Variants in SETX observed in about 807,000 individuals in gnomAD.
SETX encodes the protein helicase senataxin.
In SETX, 90 loss-of-function variants were observed where a neutral mutation model predicts 227.2. That is an observed-to-expected ratio of 0.40 (90% CI 0.33 to 0.47). The LOEUF is 0.47. SETX is among the 20% of genes least tolerant of loss of function. SETX has a pLI of 0.91. For synonymous variants in SETX, 1,210 were observed against 1,113.2 expected (o/e 1.09, Z -1.73); for missense variants, 3,052 against 3,181.5 (o/e 0.96, Z 0.98).
At chr9:132,354,126 G>GACTGGGCACC (rs1848751257) in intron 1 of SETX, among the ~76,000 whole-genome samples, 1 of 152,198 alleles carries the variant, frequency 6.6e-6, no homozygotes, top group Non-Finnish European at 1.5e-5. Context: ...CTTGGGTCGT[G>GACTGGGCACC]CAAATTGCTG....
Position 132,341,207 on chromosome 9 carries a change from G to A in SETX, c.498+1483C>T, listed in dbSNP as rs947927044. The stretch of plus-strand genomic sequence containing the variant: ...ACTTCCGGCGTGGGCAACAGAGCAA[G>A]ACTCTGTCTCAAAAAATAAAATATA... On this transcript the variant is annotated intron_variant, in intron 5 of 25. Coordinates refer to ENST00000224140, the MANE Select transcript of SETX (RefSeq NM_015046.7). 3.3e-5 allele frequency among the ~76,000 whole-genome samples: 5 copies of A among 151,994 alleles called. No homozygotes were observed. In the East Asian group the frequency reaches 5.8e-4, roughly 18 times the overall value.
At chr9:132,305,069 GC>G (rs1845244776) in intron 11 of SETX, among the ~76,000 whole-genome samples, 1 of 151,900 alleles carries the variant, frequency 6.6e-6, no homozygotes, top group Non-Finnish European at 1.5e-5. Context: ...ACTATTTTGG[GC>G]CAGGCGCAGT....
chr9:132,308,206 C>T (rs1392901517), intron 11 of SETX, among the ~76,000 whole-genome samples: 1 of 152,138 alleles, frequency 6.6e-6, no homozygotes, highest in African/African-American at 2.4e-5. Context: ...AAACCAGATA[C>T]CACGTACCTG....
In SETX at chr9:132,263,373, A is replaced by T. The variant is rs1842483348; in HGVS notation, c.*866T>A. ...ATTCTTCCACAGCTGACCCAGCGCT[A>T]ATCTAGCATTTGGCAACCAAATGTC... On this transcript the variant is annotated 3_prime_UTR_variant, in exon 26 of 26. Coordinates refer to ENST00000224140, the MANE Select transcript of SETX (RefSeq NM_015046.7). The T allele has an allele frequency of 6.6e-6, 1 of 152,208 alleles. No individual in the cohort carries two copies. The highest frequency in any genetic ancestry group is 2.1e-4 in the South Asian group (1 of 4,832). 9.4% of individuals were successfully genotyped at this position (152,208 alleles called of 1,614,324 possible).
At chr9:132,296,797 C>CA in intron 14 of SETX, 90 bp downstream of exon 14, 2 of 1,147,928 alleles carry the variant, frequency 1.7e-6, no homozygotes, top group East Asian at 4.7e-5. Context: ...GAGGAAATGG[C>CA]ATGTTAATAC....
chr9:132,341,990 G>A (rs1848004915), intron 5 of SETX, among the ~76,000 whole-genome samples: 1 of 152,012 alleles, frequency 6.6e-6, no homozygotes, highest in Non-Finnish European at 1.5e-5. Context: ...TTGGCCCAGA[G>A]GAAACTGAAA....
Position 132,327,771 on chromosome 9 carries a change from T to C in SETX, c.3827A>G (p.Gln1276Arg). ...AGCTGTTGAAGTTGGCTCAGGACAC[T>C]GACGAAATTTCTTTGGCGGCACTAT... ...PAIVPPKKFR[Q>R]CPEPTSTAEK... The change falls in exon 10 of 26, where the codon CAG becomes CGG. Residue 1276 changes from glutamine to arginine, a missense_variant. By Grantham distance (43) the Gln-to-Arg change is conservative. Transcript: ENST00000224140. 6 of 1,614,222 alleles carry C rather than the reference T, an allele frequency of 3.7e-6. No homozygotes were observed. The highest frequency in any genetic ancestry group is 5.1e-6 in the Non-Finnish European group (6 of 1,180,044).
At chr9:132,352,123 C>G (rs1848634958) in intron 2 of SETX, among the ~76,000 whole-genome samples, 1 of 152,188 alleles carries the variant, frequency 6.6e-6, no homozygotes, top group Non-Finnish European at 1.5e-5. Flanking sequence ...CTCCTTTGCA[C>G]TCTGGCTTCT....
At position 132,330,338 on chromosome 9, in the gene SETX, A is replaced by C; in HGVS notation, c.1260T>G (p.Asp420Glu). The stretch of plus-strand genomic sequence containing the variant: ...TGTAAGCCACACCCAAATCCTTAAG[A>C]TCCATGAGGGACTGGACAAAAGGGA... The part of the protein sequence containing the change: ...WFIPFVQSLM[D>E]LKDLGVAYIA... The change falls in exon 10 of 26, where the codon GAT (aspartate) becomes GAG (glutamate). Residue 420 changes from aspartate (D) to glutamate (E), a missense_variant. Transcript: ENST00000224140. The C allele has an allele frequency of 6.2e-7, 1 of 1,613,966 alleles. No homozygotes were observed. The highest frequency in any genetic ancestry group is 8.5e-7 in the Non-Finnish European group (1 of 1,179,824).
In SETX at chr9:132,336,322, G is replaced by C; in HGVS notation, c.692C>G (p.Thr231Ser). Residue 231 changes from threonine to serine, a missense_variant, in exon 6 of 26, where the codon ACT (threonine) becomes AGT (serine). By Grantham distance (58) the Thr-to-Ser change is moderately conservative. This residue lies in a region of SETX where 239 missense variants were observed against 240.8 expected (regional missense o/e 0.99). Transcript: ENST00000224140. ...TAACCAATAGCTTTTGTAGTTGGTAGTATCATACATGTGTGAGGGCAGAAG... is the reference window on the plus strand; with the variant it reads ...TAACCAATAGCTTTTGTAGTTGGTACTATCATACATGTGTGAGGGCAGAAG... ...LILLPSHMYD[T>S]TNYKSYWLGI... is the part of the protein sequence containing the mutation. 2 of 1,613,452 alleles carry C rather than the reference G, an allele frequency of 1.2e-6. No individual in the cohort carries two copies. The highest frequency in any genetic ancestry group is 1.7e-6 in the Non-Finnish European group (2 of 1,179,378).
At position 132,296,870 on chromosome 9, in the gene SETX, C is replaced by T; in HGVS notation, c.5949+17G>A. On this transcript the variant is annotated intron_variant, in intron 14 of 25. Coordinates refer to ENST00000224140, the MANE Select transcript of SETX (RefSeq NM_015046.7). ...ATACAGCTAGTTAACAGCATCAGTG[C>T]CCTCACCCATACCTACCTCTGTCAG... 1 of 1,613,218 alleles carries T rather than the reference C, an allele frequency of 6.2e-7. No individual in the cohort carries two copies. Among genetic ancestry groups the T allele is most frequent in the South Asian group, 1.1e-5 (1 of 91,060 alleles).
Position 132,296,896 on chromosome 9 carries a change from T to C in SETX, c.5940A>G (p.Leu1980=), listed in dbSNP as rs1178812515. 3 of 1,614,006 alleles carry C rather than the reference T, an allele frequency of 1.9e-6. No individual in the cohort carries two copies. The highest frequency in any genetic ancestry group is 1.7e-6 in the Non-Finnish European group (2 of 1,179,908). ...SKTIVGLLYR[L]LTENQRKGHS... is the part of the protein sequence containing the mutation. ...CCTCACCCATACCTACCTCTGTCAG[T>C]AGACGATAGAGGAGGCCAACAATAG... Residue 1980 remains leucine (L), a synonymous_variant, in exon 14 of 26, where the codon CTA becomes CTG. Transcript: ENST00000224140.
rs1348117845 is a variant in SETX, at chr9:132,327,043, G to A, written c.4555C>T (p.Leu1519Phe). ...TCTTTTCCATGAATTAGTTCAATGAGTTTATAATTGTCATTCTCCATTTGT... is the reference window on the plus strand; with the variant it reads ...TCTTTTCCATGAATTAGTTCAATGAATTTATAATTGTCATTCTCCATTTGT... ...CSQMENDNYK[L>F]IELIHGKDTV... Residue 1519 changes from leucine (L) to phenylalanine (F), a missense_variant, in exon 10 of 26, where the codon CTC (leucine) becomes TTC (phenylalanine). Leu to Phe is a conservative substitution (Grantham distance 22). Around this residue, in one of 10 missense-constraint regions of SETX, gnomAD observed 1,483 missense variants for 1,312.0 expected, o/e 1.13. Transcript: ENST00000224140. 5 of 1,614,130 alleles carry A rather than the reference G, an allele frequency of 3.1e-6. No homozygotes were observed. The highest frequency in any genetic ancestry group is 4.2e-6 in the Non-Finnish European group (5 of 1,180,032).
chr9:132,341,900 A>C (rs755538438), intron 5 of SETX, among the ~76,000 whole-genome samples: 1 of 152,152 alleles, frequency 6.6e-6, no homozygotes, highest in Non-Finnish European at 1.5e-5. Context: ...GTCCACAGAA[A>C]TAAGTTTTCC....
intron 23 of SETX, among the ~76,000 whole-genome samples, chr9:132,273,437 A>C (rs767644473): frequency 6.6e-6 from 1 of 152,260 alleles, no homozygotes; most frequent in African/African-American, 2.4e-5. Flanking sequence ...TGCTGGGATT[A>C]CAGGCATGAG....
chr9:132,301,766 T>A (rs183697891), intron 11 of SETX, among the ~76,000 whole-genome samples: 2 of 152,290 alleles, frequency 1.3e-5, no homozygotes, highest in East Asian at 1.9e-4. Context: ...CATCATTAAG[T>A]GACATGTGAT....
chr9:132,302,660 C>CAAAAAAAAAAAAAAAAAAA (rs35647306), intron 11 of SETX, among the ~76,000 whole-genome samples: 2 of 33,292 alleles, frequency 6.0e-5, no homozygotes, highest in Non-Finnish European at 1.3e-4. Flanking sequence ...GACTTTGTCT[C>CAAAAAAAAAAAAAAAAAAA]AAAAAAAAAA....
At chr9:132,269,407 A>G in intron 25 of SETX, 1 of 1,559,350 alleles carries the variant, frequency 6.4e-7, no homozygotes, top group Non-Finnish European at 8.7e-7. Flanking sequence ...GGTCACCTTG[A>G]GAGCCCAGTG....
chr9:132,280,978 G>GA (rs919921276), intron 20 of SETX, among the ~76,000 whole-genome samples: 22 of 152,172 alleles, frequency 1.4e-4, no homozygotes, highest in African/African-American at 5.1e-4. Context: ...ATTAACACTA[G>GA]AATACCAAAT....
Sources: allele counts gnomAD v4.1 joint callset (sites outside exome capture counted in the v4.1 genomes callset), GRCh38; gene constraint gnomAD v4.1.1; regional missense constraint gnomAD v4.1.1; transcripts MANE v1.5; gene names NCBI Gene and HGNC (gene_info 2026-07-23, HGNC 2026-07-21).